Variants in ACTN1 observed in about 807,000 individuals in gnomAD.
The protein encoded by ACTN1 is actinin alpha 1.
A neutral mutation model predicts 119.6 loss-of-function variants in ACTN1; 30 were observed. The ratio of observed to expected loss-of-function variants is 0.25; its 90% confidence interval spans 0.19 to 0.34. ACTN1 has a LOEUF of 0.34. Among genes scored for constraint, ACTN1 ranks in the 10% least tolerant of loss-of-function variants. ACTN1 has a pLI of 1.00. For synonymous variants in ACTN1, 429 were observed against 472.6 expected (o/e 0.91, Z 1.20); for missense variants, 764 against 1,223.4 (o/e 0.62, Z 5.60).
chr14:68,885,353 A>G lies in ACTN1; in HGVS notation c.1385+72T>C, dbSNP rs1282341297. 1 of 1,199,260 alleles carries G rather than the reference A, an allele frequency of 8.3e-7. No individual in the cohort carries two copies. The highest frequency in any genetic ancestry group is 1.1e-6 in the Non-Finnish European group (1 of 910,592). The allele number at this position is 1,199,260 out of a possible 1,614,324, so 74.3% of individuals were successfully genotyped here. Reference sequence around the variant, plus strand: ...CCCCATCTTCCACGGCCACACCCCCACCTCCCCCAGCAGCTGAGAAAGCCC... The same window carrying G: ...CCCCATCTTCCACGGCCACACCCCCGCCTCCCCCAGCAGCTGAGAAAGCCC... On this transcript the variant is annotated intron_variant, in intron 12 of 21. Transcript: ENST00000394419. This position sits in a 1 kb window ranked among gnomAD's most constrained non-coding sequence, Gnocchi z 5.6.
intron 1 of ACTN1, among the ~76,000 whole-genome samples, chr14:68,932,852 G>A (rs1448427252): frequency 1.7e-4 from 26 of 151,990 alleles, no homozygotes; most frequent in Admixed American, 1.6e-3. Flanking sequence ...TGGTAACATC[G>A]CCCAACCCCA....
intron 1 of ACTN1, among the ~76,000 whole-genome samples, chr14:68,930,068 A>C (rs767241638): frequency 2.6e-5 from 4 of 152,202 alleles, no homozygotes; most frequent in Non-Finnish European, 5.9e-5. Context: ...CATCTTTCAC[A>C]ATTATCATGT....
At position 68,947,077 on chromosome 14, in the gene ACTN1, T is replaced by C. The variant is rs186000875; in HGVS notation, c.106-21405A>G. ...CAGAGCAATCTGAGGGAAACGGCATTTCCCAGACTGGCCCGATTATAAAAA... is the reference window on the plus strand; with the variant it reads ...CAGAGCAATCTGAGGGAAACGGCATCTCCCAGACTGGCCCGATTATAAAAA... On this transcript the variant is annotated intron_variant, in intron 1 of 21. Transcript: ENST00000394419. Among the ~76,000 whole-genome samples the C allele has an allele frequency of 1.2e-4, 18 of 152,316 alleles. 1 individual carries two copies. The highest frequency in any genetic ancestry group is 4.3e-4 in the African/African-American group (18 of 41,586).
At position 68,879,959 on chromosome 14, in the gene ACTN1, C is replaced by T; in HGVS notation, c.2280+3G>A. ...CTAAGAAAGCACAGGATGGGGCTCTCACCCGGTCAAAGTGGTTGAAGGAGG... is the reference window on the plus strand; with the variant it reads ...CTAAGAAAGCACAGGATGGGGCTCTTACCCGGTCAAAGTGGTTGAAGGAGG... On this transcript the variant is annotated splice_donor_region_variant and intron_variant, in intron 18 of 21. Coordinates refer to ENST00000394419, the MANE Select transcript of ACTN1 (RefSeq NM_001130004.2). The surrounding 1 kb of genome is among the most constrained non-coding windows in gnomAD (Gnocchi z 4.9). 6.2e-7 allele frequency: 1 copy of T among 1,614,038 alleles called. No individual in the cohort carries two copies. Among genetic ancestry groups the T allele is most frequent in the Non-Finnish European group, 8.5e-7 (1 of 1,179,894 alleles).
chr14:68,916,779 T>A (rs1399391479), intron 3 of ACTN1, among the ~76,000 whole-genome samples: 1 of 152,232 alleles, frequency 6.6e-6, no homozygotes, highest in African/African-American at 2.4e-5. Flanking sequence ...ATGTAGACCT[T>A]CTTGGTCTAC....
intron 1 of ACTN1, among the ~76,000 whole-genome samples, chr14:68,960,130 GAGA>G (rs774159475): frequency 7.3e-4 from 111 of 152,132 alleles, no homozygotes; most frequent in Non-Finnish European, 1.1e-3. Context: ...TGAGGAGGAG[GAGA>G]AGAAGGAGGA....
intron 8 of ACTN1, among the ~76,000 whole-genome samples, chr14:68,898,379 A>C (rs2033026295): frequency 6.6e-6 from 1 of 152,228 alleles, no homozygotes; most frequent in South Asian, 2.1e-4. Flanking sequence ...ATCAGTACAC[A>C]GACTTATTAT....
intron 1 of ACTN1, among the ~76,000 whole-genome samples, chr14:68,971,195 G>A (rs2036873149): frequency 6.6e-6 from 1 of 152,214 alleles, no homozygotes; most frequent in African/African-American, 2.4e-5. Context: ...CCATTTCCCT[G>A]TCTGTACCAA....
At chr14:68,954,647 CA>C (rs2140562200) in intron 1 of ACTN1, among the ~76,000 whole-genome samples, 1 of 152,242 alleles carries the variant, frequency 6.6e-6, no homozygotes, top group South Asian at 2.1e-4. Flanking sequence ...TATTTTTAAG[CA>C]TGTCTTTCTT....
intron 3 of ACTN1, among the ~76,000 whole-genome samples, chr14:68,913,311 A>G (rs2034108853): frequency 6.6e-6 from 1 of 152,160 alleles, no homozygotes; most frequent in South Asian, 2.1e-4. Context: ...TTCCACACCC[A>G]CTCATCACCT....
At chr14:68,934,691 A>C (rs10147838) in intron 1 of ACTN1, among the ~76,000 whole-genome samples, 15,211 of 152,316 alleles carry the variant, frequency 0.1, 920 homozygotes, top group African/African-American at 0.16. Flanking sequence ...GAGAAAAATT[A>C]GAAAGAGACA....
chr14:68,978,841 G>T (rs904230360), intron 1 of ACTN1, 111 bp downstream of exon 1: 1 of 655,456 alleles, frequency 1.5e-6, no homozygotes, highest in Non-Finnish European at 2.3e-6. Flanking sequence ...GCCCCCTCCC[G>T]TGCGCGCCCG....
chr14:68,931,525 G>A (rs1389372006), intron 1 of ACTN1, among the ~76,000 whole-genome samples: 3 of 152,158 alleles, frequency 2.0e-5, no homozygotes, highest in African/African-American at 4.8e-5. Context: ...AACTTGCTGG[G>A]TACAGACCAG....
At chr14:68,962,693 T>C (rs1432248630) in intron 1 of ACTN1, among the ~76,000 whole-genome samples, 1 of 152,222 alleles carries the variant, frequency 6.6e-6, no homozygotes, top group African/African-American at 2.4e-5. Flanking sequence ...CACCAAGTCC[T>C]ACTTCTCCCC....
At chr14:68,943,295 G>A (rs1224721553) in intron 1 of ACTN1, among the ~76,000 whole-genome samples, 1 of 152,198 alleles carries the variant, frequency 6.6e-6, no homozygotes, top group Non-Finnish European at 1.5e-5. Flanking sequence ...CAGAAGCGTG[G>A]GAAGAAGGGC....
rs10151944 is a variant in ACTN1 at position 68,953,365 on chromosome 14, C to G, written c.105+25587G>C. Among the ~76,000 whole-genome samples the G allele has an allele frequency of 2.4e-3, 368 of 152,284 alleles. 1 individual carries two copies. The highest frequency in any genetic ancestry group is 8.4e-3 in the African/African-American group (347 of 41,556). The stretch of plus-strand genomic sequence containing the variant: ...CCCTACCCTCAGCCTCCATGTCCCC[C>G]ACTCCATGCCTGAGCCATGCATCAG... On this transcript the variant is annotated intron_variant, in intron 1 of 21. Transcript: ENST00000394419.
Position 68,877,130 on chromosome 14 carries a change from A to G in ACTN1, c.2538T>C (p.Asp846=), listed in dbSNP as rs2030991853. 1 of 1,614,142 alleles carries G rather than the reference A, an allele frequency of 6.2e-7. No individual in the cohort carries two copies. The highest frequency in any genetic ancestry group is 1.1e-5 in the South Asian group (1 of 91,080). ...DFMSRETADT[D]TADQVMASFK... ...AGGAAGCCATGACTTGGTCTGCTGT[A>G]TCTGTGTCGGCTGTCTCGCGGGACA... The change falls in exon 21 of 22, where the codon GAT becomes GAC. Residue 846 remains aspartate, a synonymous_variant. Transcript: ENST00000394419.
chr14:68,885,766 A>G lies in ACTN1; in HGVS notation c.1235-191T>C. 3.2e-6 allele frequency: 2 copies of G among 631,500 alleles called. No individual in the cohort carries two copies. Among genetic ancestry groups the G allele is most frequent in the Non-Finnish European group, 5.4e-6 (2 of 367,976 alleles). The allele number at this position is 631,500 out of a possible 1,614,324, so 39.1% of individuals were successfully genotyped here. On this transcript the variant is annotated intron_variant, in intron 11 of 21. Coordinates refer to ENST00000394419, the MANE Select transcript of ACTN1 (RefSeq NM_001130004.2). This position sits in a 1 kb window ranked among gnomAD's most constrained non-coding sequence, Gnocchi z 5.6. Reference sequence around the variant, plus strand: ...ACATCCACCAACCGGCGCAACGGGGAAAAGCACTCTCCTCAGAGCACTTCC... The same window carrying G: ...ACATCCACCAACCGGCGCAACGGGGGAAAGCACTCTCCTCAGAGCACTTCC...
chr14:68,900,445 G>GCTGCTGGCTAGCCAGCC (rs991900977), intron 8 of ACTN1, among the ~76,000 whole-genome samples: 3 of 151,898 alleles, frequency 2.0e-5, no homozygotes, highest in African/African-American at 7.3e-5. Flanking sequence ...CCCTGCTCTG[G>GCTGCTGGCTAGCCAGCC]CTGCTGGCTA....
Sources: allele counts gnomAD v4.1 joint callset (sites outside exome capture counted in the v4.1 genomes callset), GRCh38; gene constraint gnomAD v4.1.1; non-coding constraint Gnocchi (gnomAD v3.1); transcripts MANE v1.5; gene names NCBI Gene and HGNC (gene_info 2026-07-23, HGNC 2026-07-21).